Variants in SH3D19 observed in about 807,000 individuals in gnomAD.
SH3D19 encodes SH3 domain containing 19.
Under a neutral mutation model 112.1 loss-of-function variants are expected in SH3D19, and 58 were observed. That is an observed-to-expected ratio of 0.52 (90% CI 0.42 to 0.64). SH3D19 has a LOEUF of 0.64. Among genes scored for constraint, SH3D19 ranks in the 30% least tolerant of loss-of-function variants. The pLI, the probability that SH3D19 is intolerant of heterozygous loss-of-function variation, is 0.00. For missense variants in SH3D19, 1,090 were observed against 1,263.4 expected (o/e 0.86, Z 2.08); for synonymous variants, 391 against 448.5 (o/e 0.87, Z 1.62).
chr4:151,199,713 G>A (rs1764119538), intron 2 of SH3D19, among the ~76,000 whole-genome samples: 1 of 152,182 alleles, frequency 6.6e-6, no homozygotes, highest in Admixed American at 6.5e-5. Context: ...CCAAAGTGCA[G>A]ACCGTGCCAA....
At chr4:151,224,666 C>A (rs1768693191) in intron 2 of SH3D19, among the ~76,000 whole-genome samples, 3 of 152,168 alleles carry the variant, frequency 2.0e-5, no homozygotes, top group Admixed American at 2.0e-4. Context: ...TTATGTCACT[C>A]ACAGTTAAGC....
intron 1 of SH3D19, among the ~76,000 whole-genome samples, chr4:151,256,590 T>C (rs1771938576): frequency 6.6e-6 from 1 of 152,156 alleles, no homozygotes; most frequent in Non-Finnish European, 1.5e-5. Context: ...GCATATTATG[T>C]TAACCAATGT....
At position 151,122,511 on chromosome 4, in the gene SH3D19, TCACACA is replaced by T. The variant is rs3064664; in HGVS notation, c.3028-310_3028-305del. On this transcript the variant is annotated intron_variant, in intron 19 of 19. Coordinates refer to ENST00000604030, the MANE Select transcript of SH3D19 (RefSeq NM_001378122.1). ...CCTCTTGAACAAATAATACCAGTTA[TCACACA>T]CACACACACACACACACACACGATT... Among the ~76,000 whole-genome samples, 930 of 148,518 alleles carry T rather than the reference TCACACA, an allele frequency of 6.3e-3. 7 individuals are homozygous for T. The highest frequency in any genetic ancestry group is 0.021 in the African/African-American group (854 of 40,522).
chr4:151,259,019 C>G (rs1772164110), intron 1 of SH3D19, among the ~76,000 whole-genome samples: 1 of 152,098 alleles, frequency 6.6e-6, no homozygotes, highest in African/African-American at 2.4e-5. Flanking sequence ...TGAGGACCCT[C>G]TGTAGCAGCA....
In SH3D19 at chr4:151,226,075, G is replaced by A. The variant is rs1329358315; in HGVS notation, c.124C>T (p.Arg42Ter). 10 of 1,231,442 alleles carry A rather than the reference G, an allele frequency of 8.1e-6. No homozygotes were observed. The highest frequency in any genetic ancestry group is 4.2e-5 in the Admixed American group (1 of 23,690). The allele number at this position is 1,231,442 out of a possible 1,614,324, so 76.3% of individuals were successfully genotyped here. A position where few individuals can be genotyped will look rare whatever the true frequency, so the allele number is the denominator to read the frequency against. Residue 42 changes from arginine (R) to a stop codon, truncating the protein, a stop_gained, in exon 2 of 20, where the codon CGA becomes TGA. Transcript: ENST00000604030. LOFTEE classifies it high-confidence loss of function. Reference protein sequence around the residue: ...SGHSAADRNERNKPEHRSSSQ... With the variant: ...SGHSAADRNE Reference sequence around the variant, plus strand: ...GAAGAACGATGTTCTGGTTTATTTCGTTCGTTGCGATCTGTAGAGAAAGAA... The same window carrying A: ...GAAGAACGATGTTCTGGTTTATTTCATTCGTTGCGATCTGTAGAGAAAGAA...
At chr4:151,208,529 C>T (rs1241219183) in intron 2 of SH3D19, among the ~76,000 whole-genome samples, 2 of 152,108 alleles carry the variant, frequency 1.3e-5, no homozygotes, top group African/African-American at 4.8e-5. Flanking sequence ...CGGCACGAAA[C>T]CTGGCTAGTT....
In SH3D19 at chr4:151,137,756, A is replaced by C; in HGVS notation, c.2403T>G (p.Phe801Leu). Residue 801 changes from phenylalanine to leucine, a missense_variant, in exon 14 of 20, where the codon TTT becomes TTG. Transcript: ENST00000604030. ...CAATCACTTTGACATAGTTGGCAGG[A>C]AATATGCCAATCTGGTTTCTACAGT... ...RGNCRNQIGI[F>L]PANYVKVIID... The C allele has an allele frequency of 6.2e-7, 1 of 1,603,856 alleles. No individual in the cohort carries two copies. The highest frequency in any genetic ancestry group is 1.1e-5 in the South Asian group (1 of 88,900).
chr4:151,131,780 G>A (rs13130167), intron 17 of SH3D19, among the ~76,000 whole-genome samples: 117,676 of 151,864 alleles, frequency 0.77, 47,757 homozygotes, highest in Non-Finnish European at 0.91. Context: ...GAGCCACCGC[G>A]CACAGCCTCT....
chr4:151,200,861 G>A (rs370454636), intron 2 of SH3D19, among the ~76,000 whole-genome samples: 44 of 152,268 alleles, frequency 2.9e-4, no homozygotes, highest in African/African-American at 1.0e-3. Flanking sequence ...CACATATTTT[G>A]TTTCACGTTT....
At chr4:151,167,672 G>A (rs1758289361) in intron 7 of SH3D19, among the ~76,000 whole-genome samples, 2 of 152,316 alleles carry the variant, frequency 1.3e-5, no homozygotes, top group East Asian at 1.9e-4. Flanking sequence ...GACGTGAGGA[G>A]TGTCTCTGCC....
chr4:151,130,338 G>T (rs1412351666), intron 17 of SH3D19, among the ~76,000 whole-genome samples: 4 of 152,016 alleles, frequency 2.6e-5, no homozygotes, highest in Non-Finnish European at 5.9e-5. Flanking sequence ...TACTTAGGAG[G>T]CTGAGGTGGA....
chr4:151,185,911 G>A (rs556269456), intron 3 of SH3D19, among the ~76,000 whole-genome samples: 1 of 152,068 alleles, frequency 6.6e-6, no homozygotes, highest in Non-Finnish European at 1.5e-5. Flanking sequence ...ATGGTGGTGG[G>A]TGCCTGTAAT....
chr4:151,269,361 G>C (rs1312792383), intron 1 of SH3D19, among the ~76,000 whole-genome samples: 1 of 152,038 alleles, frequency 6.6e-6, no homozygotes, highest in Non-Finnish European at 1.5e-5. Flanking sequence ...CAGATGAGTA[G>C]GTTGCGAAAA....
intron 1 of SH3D19, among the ~76,000 whole-genome samples, chr4:151,238,761 G>GA (rs1270539815): frequency 2.1e-4 from 32 of 150,644 alleles, no homozygotes; most frequent in Non-Finnish European, 3.5e-4. Flanking sequence ...ACATTAGAGT[G>GA]AAAAAAAAAT....
chr4:151,255,547 G>C (rs1771818044), intron 1 of SH3D19, among the ~76,000 whole-genome samples: 1 of 151,176 alleles, frequency 6.6e-6, no homozygotes, highest in Admixed American at 6.6e-5. Flanking sequence ...TCCAGACTGG[G>C]CAGCCAGGCA....
At chr4:151,237,872 A>G (rs953315801) in intron 1 of SH3D19, among the ~76,000 whole-genome samples, 1 of 152,210 alleles carries the variant, frequency 6.6e-6, no homozygotes, top group Non-Finnish European at 1.5e-5. Flanking sequence ...GAGGACAGCA[A>G]TGTACTAATA....
chr4:151,143,573 A>C (rs1753394981), intron 12 of SH3D19, among the ~76,000 whole-genome samples: 1 of 152,166 alleles, frequency 6.6e-6, no homozygotes, highest in African/African-American at 2.4e-5. Flanking sequence ...ATAAACGGCA[A>C]ACCAAGTATT....
chr4:151,289,617 G>A (rs1032350547), intron 1 of SH3D19, among the ~76,000 whole-genome samples: 6 of 152,316 alleles, frequency 3.9e-5, no homozygotes, highest in African/African-American at 1.4e-4. Flanking sequence ...ATATGCAAAT[G>A]TAGAGAAATT....
chr4:151,188,927 TAGA>T (rs1283943230), intron 2 of SH3D19, among the ~76,000 whole-genome samples: 1 of 152,220 alleles, frequency 6.6e-6, no homozygotes, highest in East Asian at 1.9e-4. Context: ...ACTGGTTTCT[TAGA>T]AGATGGCCAT....
Sources: allele counts gnomAD v4.1 joint callset (sites outside exome capture counted in the v4.1 genomes callset), GRCh38; gene constraint gnomAD v4.1.1; transcripts MANE v1.5; gene names NCBI Gene and HGNC (gene_info 2026-07-23, HGNC 2026-07-21).